Variants in INPP4B observed in about 807,000 individuals in gnomAD.
INPP4B encodes inositol polyphosphate-4-phosphatase type II B.
INPP4B carries 55 observed loss-of-function variants against 122.5 expected under a neutral mutation model. The observed-to-expected ratio is 0.45, with a 90% confidence interval of 0.36 to 0.56. The LOEUF (loss-of-function observed/expected upper bound fraction) is 0.56. Ranked by LOEUF, INPP4B falls within the 20% of genes least tolerant of loss-of-function variation. INPP4B has a pLI of 0.00. For missense variants in INPP4B, 1,000 were observed against 1,097.7 expected (o/e 0.91, Z 1.26); for synonymous variants, 403 against 388.7 (o/e 1.04, Z -0.43).
intron 25 of INPP4B, among the ~76,000 whole-genome samples, chr4:142,071,421 C>A (rs1767229693): frequency 6.6e-6 from 1 of 152,242 alleles, no homozygotes; most frequent in African/African-American, 2.4e-5. Flanking sequence ...AGGACATAGG[C>A]ATGGGCAAGG....
intron 2 of INPP4B, among the ~76,000 whole-genome samples, chr4:142,622,954 C>A (rs557000738): frequency 7.9e-5 from 12 of 151,994 alleles, no homozygotes; most frequent in African/African-American, 2.6e-4. Flanking sequence ...GTGTGTTAAG[C>A]CAATGGGAAT....
chr4:142,179,886 T>C (rs897244417), intron 15 of INPP4B, among the ~76,000 whole-genome samples: 1 of 152,186 alleles, frequency 6.6e-6, no homozygotes, highest in Non-Finnish European at 1.5e-5. Flanking sequence ...GTCAGTTCTA[T>C]TTCTGCCTAG....
At chr4:142,463,750 A>G (rs1210031864) in intron 2 of INPP4B, among the ~76,000 whole-genome samples, 1 of 152,034 alleles carries the variant, frequency 6.6e-6, no homozygotes, top group Non-Finnish European at 1.5e-5. Context: ...TTATGGTTTT[A>G]TAAGATCTTC....
At chr4:142,256,863 G>C (rs1352330117) in intron 11 of INPP4B, among the ~76,000 whole-genome samples, 1 of 152,124 alleles carries the variant, frequency 6.6e-6, no homozygotes, top group African/African-American at 2.4e-5. Context: ...TATGAGGCCA[G>C]CATCATCCTG....
At chr4:142,302,426 G>A (rs549663319) in intron 9 of INPP4B, among the ~76,000 whole-genome samples, 7 of 152,156 alleles carry the variant, frequency 4.6e-5, no homozygotes, top group African/African-American at 9.6e-5. Flanking sequence ...ACAAAATGTC[G>A]GTCATTAAAA....
At chr4:142,555,633 C>G (rs2150096186) in intron 2 of INPP4B, among the ~76,000 whole-genome samples, 1 of 152,168 alleles carries the variant, frequency 6.6e-6, no homozygotes, top group South Asian at 2.1e-4. Context: ...CTTTGGGAGG[C>G]CGAGGCGGGT....
intron 2 of INPP4B, among the ~76,000 whole-genome samples, chr4:142,502,362 T>C (rs747718411): frequency 6.6e-6 from 1 of 152,170 alleles, no homozygotes; most frequent in Non-Finnish European, 1.5e-5. Flanking sequence ...AATGTACTTA[T>C]GAATTGTAAT....
At chr4:142,284,321 T>C (rs549639215) in intron 9 of INPP4B, among the ~76,000 whole-genome samples, 1 of 151,926 alleles carries the variant, frequency 6.6e-6, no homozygotes, top group East Asian at 1.9e-4. Context: ...AAAAGAAAAA[T>C]GACATAAGTG....
At chr4:142,663,657 T>G (rs560034074) in intron 2 of INPP4B, among the ~76,000 whole-genome samples, 1 of 151,736 alleles carries the variant, frequency 6.6e-6, no homozygotes, top group Non-Finnish European at 1.5e-5. Context: ...TAAGTAATTA[T>G]GTGTAATATT....
At chr4:142,614,222 AAAACAAAC>A (rs1388694245) in intron 2 of INPP4B, among the ~76,000 whole-genome samples, 1 of 152,108 alleles carries the variant, frequency 6.6e-6, no homozygotes, top group Non-Finnish European at 1.5e-5. Context: ...ACTCTGTCTC[AAAACAAAC>A]AAACAAACAA....
At chr4:142,049,286 A>G (rs1293958054) in intron 25 of INPP4B, among the ~76,000 whole-genome samples, 2 of 152,104 alleles carry the variant, frequency 1.3e-5, no homozygotes, top group Non-Finnish European at 2.9e-5. Context: ...GAATTCTGCT[A>G]GTTCAAAGTT....
chr4:142,806,740 T>C (rs1480721801), intron 1 of INPP4B, among the ~76,000 whole-genome samples: 1 of 111,304 alleles, frequency 9.0e-6, no homozygotes, highest in African/African-American at 3.5e-5. Context: ...CAAGACCCTG[T>C]TAAAAAAAAA....
chr4:142,332,336 A>T (rs980520601), intron 7 of INPP4B, among the ~76,000 whole-genome samples: 5 of 152,182 alleles, frequency 3.3e-5, no homozygotes, highest in African/African-American at 1.2e-4. Flanking sequence ...AACTACAGCT[A>T]GACATTTAGT....
In INPP4B at chr4:142,025,921, T is replaced by C. The variant is rs1398086800; in HGVS notation, c.*2861A>G. The C allele has an allele frequency of 6.6e-6, 1 of 152,160 alleles. No homozygotes were observed. Among genetic ancestry groups the C allele is most frequent in the East Asian group, 1.9e-4 (1 of 5,194 alleles). 9.4% of individuals were successfully genotyped at this position (152,160 alleles called of 1,614,324 possible). ...AGTGTAGACAAACCTCAAGGCGATA[T>C]TTAAAAGCAAAAAGCAATGATATGA... On this transcript the variant is annotated 3_prime_UTR_variant, in exon 26 of 26. Coordinates refer to ENST00000262992, the MANE Select transcript of INPP4B (RefSeq NM_001101669.3).
At chr4:142,297,757 G>C (rs529970486) in intron 9 of INPP4B, among the ~76,000 whole-genome samples, 2 of 152,278 alleles carry the variant, frequency 1.3e-5, no homozygotes, top group African/African-American at 4.8e-5. Context: ...AACACACCAA[G>C]TTTAGAGAAG....
At chr4:142,173,873 C>A in intron 15 of INPP4B, 64 bp from the exon 16 acceptor site, 2 of 1,280,880 alleles carry the variant, frequency 1.6e-6, no homozygotes, top group South Asian at 2.4e-5. Flanking sequence ...CCCTTAATAT[C>A]AGATGGCAAA....
intron 12 of INPP4B, 68 bp from the exon 13 acceptor site, chr4:142,209,094 CAGAG>C: frequency 8.8e-7 from 1 of 1,131,980 alleles, no homozygotes; most frequent in South Asian, 2.2e-5. Context: ...AACCCTTAGT[CAGAG>C]TTGTCAAGAT....
chr4:142,061,149 C>G (rs1760430789), intron 25 of INPP4B, among the ~76,000 whole-genome samples: 1 of 152,128 alleles, frequency 6.6e-6, no homozygotes, highest in African/African-American at 2.4e-5. Context: ...TATGGGTTAA[C>G]AGATTTCAGC....
chr4:142,266,646 C>T (rs1369453338), intron 10 of INPP4B, among the ~76,000 whole-genome samples: 1 of 152,068 alleles, frequency 6.6e-6, no homozygotes, highest in Non-Finnish European at 1.5e-5. Context: ...CTTCTACAAT[C>T]AAGAACAAGA....
Sources: allele counts gnomAD v4.1 joint callset (sites outside exome capture counted in the v4.1 genomes callset), GRCh38; gene constraint gnomAD v4.1.1; transcripts MANE v1.5; gene names NCBI Gene and HGNC (gene_info 2026-07-23, HGNC 2026-07-21).